The following ZFPM2 variants were observed in gnomAD, a reference collection of about 807,000 sequenced individuals.
ZFPM2 encodes zinc finger protein, FOG family member 2, also known as zinc finger protein ZFPM2.
Under a neutral mutation model 98.6 loss-of-function variants are expected in ZFPM2, and 20 were observed. The observed-to-expected ratio is 0.20, with a 90% CI of 0.14 to 0.29. The LOEUF (loss-of-function observed/expected upper bound fraction) is 0.29. ZFPM2 is among the 10% of genes least tolerant of loss of function. The probability of loss-of-function intolerance (pLI) is 1.00; values close to 1 mark genes in which losing one functional copy is unlikely to be tolerated. For synonymous variants in ZFPM2, 518 were observed against 502.7 expected, an observed-to-expected ratio of 1.03 and a Z score of -0.41; for missense variants, 1,310 against 1,388.6, an observed-to-expected ratio of 0.94 and a Z score of 0.90.
intron 3 of ZFPM2, among the ~76,000 whole-genome samples, chr8:105,453,370 A>G (rs1812524783): frequency 6.6e-6 from 1 of 152,234 alleles, no homozygotes; most frequent in Non-Finnish European, 1.5e-5. Flanking sequence ...CCATAAAACT[A>G]TATTATCAGT....
intron 3 of ZFPM2, among the ~76,000 whole-genome samples, chr8:105,482,694 T>C (rs568443755): frequency 6.6e-6 from 1 of 152,304 alleles, no homozygotes; most frequent in East Asian, 1.9e-4. Flanking sequence ...ATGCAGACTT[T>C]AGAATCATTT....
At chr8:105,548,234 A>T (rs1814758588) in intron 3 of ZFPM2, among the ~76,000 whole-genome samples, 1 of 152,140 alleles carries the variant, frequency 6.6e-6, no homozygotes, top group Admixed American at 6.6e-5. Context: ...GCTGGAGGCG[A>T]TAACTTTCAG....
rs1466604358 is a variant in ZFPM2 at position 105,675,946 on chromosome 8, G to C, written c.532+41589G>C. On this transcript the variant is annotated intron_variant, in intron 5 of 7. Coordinates refer to ENST00000407775, the MANE Select transcript of ZFPM2 (RefSeq NM_012082.4). ...TTCAAAGTCACACAGTTAGCAAAAT[G>C]TGGAGCCGGAATTCAAATACAGGTT... is the stretch of plus-strand genomic sequence containing the variant. 2.0e-5 allele frequency: 3 copies of C among 152,148 alleles called. No individual in the cohort carries two copies. In the East Asian group the frequency reaches 5.8e-4, roughly 29 times the overall value. 9.4% of individuals were successfully genotyped at this position (152,148 alleles called of 1,614,324 possible). A position where few individuals can be genotyped will look rare whatever the true frequency, so the allele number is the denominator to read the frequency against.
chr8:105,803,485 A>G lies in ZFPM2; in HGVS notation c.3403A>G (p.Ile1135Val). 6.2e-7 allele frequency: 1 copy of G among 1,613,024 alleles called. No individual in the cohort carries two copies. The highest frequency in any genetic ancestry group is 8.5e-7 in the Non-Finnish European group (1 of 1,179,422). The change falls in exon 8 of 8, where the codon ATA becomes GTA. Residue 1135 changes from isoleucine to valine, a missense_variant. Ile to Val is a conservative substitution (Grantham distance 29). Coordinates refer to ENST00000407775, the MANE Select transcript of ZFPM2 (RefSeq NM_012082.4). ...CCAGTTCAACAACCTTTCAAACTTTATAACTCACAAGAAGTTTTATTGCTC... is the reference window on the plus strand; with the variant it reads ...CCAGTTCAACAACCTTTCAAACTTTGTAACTCACAAGAAGTTTTATTGCTC... ...DIQFNNLSNF[I>V]THKKFYCSSH...
intron 3 of ZFPM2, among the ~76,000 whole-genome samples, chr8:105,505,128 G>A (rs1813673286): frequency 6.6e-6 from 1 of 152,094 alleles, no homozygotes; most frequent in Admixed American, 6.6e-5. Context: ...CATTACTTCA[G>A]TTCTCTGAGC....
At chr8:105,701,840 G>A (rs141585379) in intron 5 of ZFPM2, among the ~76,000 whole-genome samples, 5 of 152,224 alleles carry the variant, frequency 3.3e-5, no homozygotes, top group East Asian at 1.9e-4. Flanking sequence ...GGGAATTTTC[G>A]TTTAAGCATA....
chr8:105,366,411 TAAAGAGATACTGC>T (rs969161813), intron 1 of ZFPM2, among the ~76,000 whole-genome samples: 19 of 152,184 alleles, frequency 1.2e-4, no homozygotes, highest in African/African-American at 4.6e-4. Flanking sequence ...AATTCTTTAT[TAAAGAGATACTGC>T]AAAGAGATAC....
chr8:105,459,114 C>T (rs1201696088), intron 3 of ZFPM2, among the ~76,000 whole-genome samples: 2 of 152,170 alleles, frequency 1.3e-5, no homozygotes, highest in African/African-American at 2.4e-5. Context: ...CACTCCTTCA[C>T]TCAGGCTATA....
At chr8:105,475,360 G>A (rs991525662) in intron 3 of ZFPM2, among the ~76,000 whole-genome samples, 5 of 152,136 alleles carry the variant, frequency 3.3e-5, no homozygotes, top group African/African-American at 1.2e-4. Context: ...CTAGAAATTA[G>A]GAAACACTTC....
intron 1 of ZFPM2, among the ~76,000 whole-genome samples, chr8:105,393,034 A>C (rs1811138508): frequency 6.6e-6 from 1 of 152,318 alleles, no homozygotes; most frequent in African/African-American, 2.4e-5. Context: ...GTTCTATGAA[A>C]AAAACGTCAG....
intron 3 of ZFPM2, among the ~76,000 whole-genome samples, chr8:105,456,643 T>C (rs1812598186): frequency 6.6e-6 from 1 of 152,120 alleles, no homozygotes; most frequent in Admixed American, 6.5e-5. Flanking sequence ...GTTTTAGTTT[T>C]TCTTCAGGTT....
chr8:105,319,054 G>A (rs1459475686), intron 1 of ZFPM2, 73 bp downstream of exon 1: 34 of 1,439,768 alleles, frequency 2.4e-5, no homozygotes. Context: ...CGGGAAAGCG[G>A]TGGGTGGGTG....
At chr8:105,717,658 G>A (rs1056023862) in intron 5 of ZFPM2, among the ~76,000 whole-genome samples, 2 of 151,828 alleles carry the variant, frequency 1.3e-5, no homozygotes, top group African/African-American at 4.8e-5. Flanking sequence ...AGACCCTTGA[G>A]AGTTATTGCC....
chr8:105,561,539 T>C, intron 4 of ZFPM2, 58 bp downstream of exon 4: 4 of 1,339,592 alleles, frequency 3.0e-6, no homozygotes, highest in Non-Finnish European at 4.1e-6. Context: ...TATTTTGCCA[T>C]AGCTCAGAAA....
At chr8:105,328,193 T>C (rs961754211) in intron 1 of ZFPM2, among the ~76,000 whole-genome samples, 1 of 151,838 alleles carries the variant, frequency 6.6e-6, no homozygotes, top group African/African-American at 2.4e-5. Context: ...TTTTATGCTG[T>C]TTTTAAATGC....
intron 3 of ZFPM2, among the ~76,000 whole-genome samples, chr8:105,545,788 A>G (rs1363573108): frequency 6.6e-6 from 1 of 152,216 alleles, no homozygotes; most frequent in African/African-American, 2.4e-5. Context: ...ATCTAATGGC[A>G]GCCAGTAAGA....
chr8:105,336,038 T>G (rs753529898), intron 1 of ZFPM2, among the ~76,000 whole-genome samples: 61 of 151,850 alleles, frequency 4.0e-4, no homozygotes, highest in Non-Finnish European at 7.1e-4. Flanking sequence ...CGATGGCATT[T>G]GAATGGATGT....
intron 6 of ZFPM2, among the ~76,000 whole-genome samples, chr8:105,790,639 T>A (rs1813581246): frequency 6.6e-6 from 1 of 152,174 alleles, no homozygotes; most frequent in Admixed American, 6.5e-5. Context: ...AGGAAGTCAT[T>A]GGTAGCTTGA....
intron 3 of ZFPM2, among the ~76,000 whole-genome samples, chr8:105,446,647 G>T (rs1812376378): frequency 6.6e-6 from 1 of 151,950 alleles, no homozygotes; most frequent in Non-Finnish European, 1.5e-5. Context: ...TTTATTTGCT[G>T]TTGGTAAAAA....
Sources: gnomAD v4.1 joint callset for allele counts (sites outside exome capture counted in the v4.1 genomes callset) on GRCh38, gnomAD v4.1.1 for gene constraint, MANE v1.5 for transcripts, NCBI Gene and HGNC (gene_info 2026-07-23, HGNC 2026-07-21) for gene names.